The following ZFR variants were observed in gnomAD, a reference collection of about 807,000 sequenced individuals.
ZFR encodes the protein zinc finger RNA-binding protein.
ZFR carries 19 observed loss-of-function variants against 130.7 expected under a neutral mutation model. That is an observed-to-expected ratio of 0.15 (90% CI 0.10 to 0.21). ZFR has a LOEUF of 0.21. Among genes scored for constraint, ZFR ranks in the 10% least tolerant of loss-of-function variants. The pLI, the probability that ZFR is intolerant of heterozygous loss-of-function variation, is 1.00. For missense variants in ZFR, 872 were observed against 1,321.5 expected (o/e 0.66, Z 5.27); for synonymous variants, 466 against 456.9 (o/e 1.02, Z -0.25).
intron 2 of ZFR, among the ~76,000 whole-genome samples, chr5:32,441,053 A>C (rs559397999): frequency 1.3e-5 from 2 of 152,246 alleles, no homozygotes; most frequent in East Asian, 1.9e-4. Context: ...GGCTCACTGC[A>C]ACCTCCACCT....
intron 2 of ZFR, among the ~76,000 whole-genome samples, chr5:32,427,777 T>A (rs971253729): frequency 6.6e-6 from 1 of 152,178 alleles, no homozygotes; most frequent in Non-Finnish European, 1.5e-5. Flanking sequence ...TACAGACATA[T>A]AGACCAATGA....
At chr5:32,383,922 C>A (rs1752984247) in intron 15 of ZFR, 2 of 358,438 alleles carry the variant, frequency 5.6e-6, no homozygotes, top group African/African-American at 4.2e-5. Context: ...TTTGGACTGA[C>A]CATTTTCCTC....
intron 17 of ZFR, 39 bp from the exon 18 acceptor site, chr5:32,364,314 A>G: frequency 6.8e-7 from 1 of 1,480,252 alleles, no homozygotes; most frequent in Non-Finnish European, 9.2e-7. Flanking sequence ...ACAGCTTACC[A>G]AAGGAATTAC....
intron 2 of ZFR, among the ~76,000 whole-genome samples, chr5:32,431,397 A>G (rs1754211884): frequency 6.6e-6 from 1 of 152,228 alleles, no homozygotes; most frequent in Non-Finnish European, 1.5e-5. Context: ...ACTAAGTGAA[A>G]TATTCATGTT....
At position 32,368,529 on chromosome 5, in the gene ZFR, C is replaced by T. The variant is rs1581680045; in HGVS notation, c.2836-4254G>A. 2.6e-5 allele frequency among the ~76,000 whole-genome samples: 4 copies of T among 152,338 alleles called. No homozygotes were observed. The East Asian group carries it at 5.8e-4, about 22-fold the overall frequency. The stretch of plus-strand genomic sequence containing the variant: ...AAGATTACAGGTGTGAGCCATTGCA[C>T]CTGGCCACAAATTTTTAAAAGACAC... On this transcript the variant is annotated intron_variant, in intron 17 of 19. Coordinates refer to ENST00000265069, the MANE Select transcript of ZFR (RefSeq NM_016107.5).
At chr5:32,379,767 T>C (rs1213859481) in intron 16 of ZFR, 2 of 230,486 alleles carry the variant, frequency 8.7e-6, no homozygotes, top group African/African-American at 4.5e-5. Context: ...CCTTATGGAA[T>C]ATAATATATA....
intron 10 of ZFR, among the ~76,000 whole-genome samples, chr5:32,395,980 G>A (rs1449129397): frequency 6.6e-6 from 1 of 152,098 alleles, no homozygotes; most frequent in African/African-American, 2.4e-5. Flanking sequence ...CCAGCACTTT[G>A]GGAGGCCAAG....
chr5:32,430,601 T>C (rs1021868064), intron 2 of ZFR, among the ~76,000 whole-genome samples: 2 of 151,106 alleles, frequency 1.3e-5, no homozygotes, highest in African/African-American at 4.9e-5. Flanking sequence ...GATTCAGGAG[T>C]CCCAAGAAAC....
chr5:32,436,751 G>A (rs530468331), intron 2 of ZFR, among the ~76,000 whole-genome samples: 4 of 152,156 alleles, frequency 2.6e-5, no homozygotes, highest in South Asian at 2.1e-4. Context: ...TAGGGTTACA[G>A]GTGTGAGTCA....
At chr5:32,398,284 T>C (rs1753364391) in intron 9 of ZFR, among the ~76,000 whole-genome samples, 1 of 152,214 alleles carries the variant, frequency 6.6e-6, no homozygotes, top group Non-Finnish European at 1.5e-5. Flanking sequence ...AAAATGAAGA[T>C]AACGACGAAT....
chr5:32,374,110 A>G (rs1752740836), intron 17 of ZFR, among the ~76,000 whole-genome samples: 1 of 152,186 alleles, frequency 6.6e-6, no homozygotes, highest in African/African-American at 2.4e-5. Flanking sequence ...GACTTACTAC[A>G]ACAGAGATAG....
intron 17 of ZFR, among the ~76,000 whole-genome samples, chr5:32,375,246 C>T (rs1752772775): frequency 6.6e-6 from 1 of 152,084 alleles, no homozygotes; most frequent in Admixed American, 6.6e-5. Flanking sequence ...GATGAAAGTT[C>T]AACTTCCGTT....
At chr5:32,390,011 T>G (rs1581691924) in intron 12 of ZFR, among the ~76,000 whole-genome samples, 1 of 152,112 alleles carries the variant, frequency 6.6e-6, no homozygotes, top group East Asian at 1.9e-4. Flanking sequence ...ATTAGCCAAG[T>G]GTGTTGGTGA....
intron 12 of ZFR, among the ~76,000 whole-genome samples, chr5:32,389,250 C>T (rs1753107479): frequency 6.6e-6 from 1 of 152,092 alleles, no homozygotes; most frequent in African/African-American, 2.4e-5. Context: ...ATCTTTCACT[C>T]AATTTAGAAG....
At chr5:32,416,415 G>C (rs868444197) in intron 4 of ZFR, among the ~76,000 whole-genome samples, 3 of 152,164 alleles carry the variant, frequency 2.0e-5, no homozygotes, top group Non-Finnish European at 2.9e-5. Flanking sequence ...AGGAGTTCAA[G>C]GCCAGCCCAA....
intron 5 of ZFR, among the ~76,000 whole-genome samples, chr5:32,414,092 T>C (rs932571639): frequency 1.1e-4 from 16 of 152,274 alleles, no homozygotes; most frequent in Admixed American, 2.6e-4. Flanking sequence ...ACACACACCA[T>C]AGCAGAGCAC....
At chr5:32,410,562 G>C (rs1178677269) in intron 5 of ZFR, among the ~76,000 whole-genome samples, 1 of 151,792 alleles carries the variant, frequency 6.6e-6, no homozygotes, top group Non-Finnish European at 1.5e-5. Flanking sequence ...GAGCTGAGAT[G>C]GTGCCACTGC....
At position 32,388,509 on chromosome 5, in the gene ZFR, T is replaced by C. The variant is rs748915116; in HGVS notation, c.2308A>G (p.Asn770Asp). The change falls in exon 13 of 20, where the codon AAC (asparagine) becomes GAC (aspartate). Residue 770 changes from asparagine to aspartate, a missense_variant. Transcript: ENST00000265069. Reference sequence around the variant, plus strand: ...TCTTTCTTATCATCTCCCTCTTTGTTCTTGTTCTTCTCATGTTCAGACAAA... The same window carrying C: ...TCTTTCTTATCATCTCCCTCTTTGTCCTTGTTCTTCTCATGTTCAGACAAA... ...DSLSEHEKNK[N>D]KEGDDKKEGG... The C allele has an allele frequency of 1.2e-6, 2 of 1,613,924 alleles. No homozygotes were observed. Among genetic ancestry groups the C allele is most frequent in the Non-Finnish European group, 8.5e-7 (1 of 1,179,928 alleles).
intron 5 of ZFR, among the ~76,000 whole-genome samples, chr5:32,411,193 CT>C (rs1186993963): frequency 6.6e-6 from 1 of 152,150 alleles, no homozygotes; most frequent in African/African-American, 2.4e-5. Flanking sequence ...TCTGTAATAA[CT>C]TTCAGTGGCA....
Sources: allele counts gnomAD v4.1 joint callset (sites outside exome capture counted in the v4.1 genomes callset), GRCh38; gene constraint gnomAD v4.1.1; transcripts MANE v1.5; gene names NCBI Gene and HGNC (gene_info 2026-07-23, HGNC 2026-07-21).